Variants in STXBP5 observed in about 807,000 individuals in gnomAD.
STXBP5 encodes the protein syntaxin binding protein 5.
In STXBP5, 50 loss-of-function variants were observed where a neutral mutation model predicts 152.4. That is an observed-to-expected ratio of 0.33 (90% CI 0.26 to 0.42). The LOEUF is 0.42. Ranked by LOEUF, STXBP5 falls within the 10% of genes least tolerant of loss-of-function variation. The pLI is 1.00. For missense variants in STXBP5, 1,167 were observed against 1,388.6 expected, an observed-to-expected ratio of 0.84 and a Z score of 2.54; for synonymous variants, 492 against 494.7, an observed-to-expected ratio of 0.99 and a Z score of 0.07.
chr6:147,213,386 T>G (rs1168530202), intron 2 of STXBP5, among the ~76,000 whole-genome samples: 4 of 150,826 alleles, frequency 2.7e-5, no homozygotes, highest in African/African-American at 9.8e-5. Context: ...GCCAAGTAGT[T>G]GGGACCACAG....
At chr6:147,268,129 C>G (rs1455080353) in intron 7 of STXBP5, among the ~76,000 whole-genome samples, 2 of 152,180 alleles carry the variant, frequency 1.3e-5, no homozygotes, top group Non-Finnish European at 2.9e-5. Flanking sequence ...GTGTGCTCAA[C>G]AACTTAAACA....
At position 147,253,390 on chromosome 6, in the gene STXBP5, C is replaced by T. The variant is rs572803424; in HGVS notation, c.432-7225C>T. 3.7e-4 allele frequency among the ~76,000 whole-genome samples: 57 copies of T among 152,198 alleles called. 1 individual carries two copies. Among genetic ancestry groups the T allele is most frequent in the African/African-American group, 1.1e-3 (44 of 41,528 alleles). On this transcript the variant is annotated intron_variant, in intron 4 of 27. Transcript: ENST00000321680. ...AGCTGGAAGCATTCCCTTTGAAAAC[C>T]GGTACAAGACAAGGATGCCCTCTCT...
At chr6:147,331,826 A>ACAC (rs201528178) in intron 18 of STXBP5, among the ~76,000 whole-genome samples, 1 of 149,464 alleles carries the variant, frequency 6.7e-6, no homozygotes, top group African/African-American at 2.5e-5. Context: ...AAAAAAAAAA[A>ACAC]ACACACAAAA....
chr6:147,287,288 C>T (rs1007000138), intron 8 of STXBP5, among the ~76,000 whole-genome samples: 4 of 144,936 alleles, frequency 2.8e-5, no homozygotes, highest in African/African-American at 2.6e-5. Flanking sequence ...CTGCAAGCTC[C>T]GCCTCCCGGG....
At chr6:147,210,410 G>A (rs995820622) in intron 2 of STXBP5, among the ~76,000 whole-genome samples, 1 of 151,860 alleles carries the variant, frequency 6.6e-6, no homozygotes, top group African/African-American at 2.4e-5. Flanking sequence ...TTTTTGGCTG[G>A]TCCTTGGTGA....
rs1160860099 is a variant in STXBP5 at position 147,327,262 on chromosome 6, G to A, written c.2066G>A (p.Arg689Gln). The A allele has an allele frequency of 3.7e-6, 6 of 1,610,518 alleles. No homozygotes were observed. Among genetic ancestry groups the A allele is most frequent in the East Asian group, 2.2e-5 (1 of 44,840 alleles). ...RREPRSPRKS[R>Q]QPSGAGLCDI... ...GAACCCCGATCTCCTCGTAAATCTCGACAGCCTTCAGGAGGTAAAAAGAAA... is the reference window on the plus strand; with the variant it reads ...GAACCCCGATCTCCTCGTAAATCTCAACAGCCTTCAGGAGGTAAAAAGAAA... Residue 689 changes from arginine to glutamine, a missense_variant, in exon 18 of 28, where the codon CGA (arginine) becomes CAA (glutamine). Coordinates refer to ENST00000321680, the MANE Select transcript of STXBP5 (RefSeq NM_001127715.4).
chr6:147,234,228 T>G (rs1778158563), intron 2 of STXBP5, among the ~76,000 whole-genome samples: 1 of 151,922 alleles, frequency 6.6e-6, no homozygotes, highest in Admixed American at 6.6e-5. Context: ...CTTTTTACTT[T>G]AGGGTAATAG....
chr6:147,288,840 A>G (rs1582895353), intron 8 of STXBP5, among the ~76,000 whole-genome samples: 2 of 152,344 alleles, frequency 1.3e-5, no homozygotes. Flanking sequence ...AAACAAGTGC[A>G]GTGTTTAACT....
At chr6:147,304,650 C>T (rs1449974564) in intron 9 of STXBP5, among the ~76,000 whole-genome samples, 1 of 152,142 alleles carries the variant, frequency 6.6e-6, no homozygotes. Flanking sequence ...AGACACTCAA[C>T]ACCAACCCAT....
chr6:147,257,662 CTGTT>C (rs1456616028), intron 4 of STXBP5, among the ~76,000 whole-genome samples: 1 of 152,166 alleles, frequency 6.6e-6, no homozygotes, highest in Non-Finnish European at 1.5e-5. Context: ...GAAACATACA[CTGTT>C]TGCATTCCTG....
At chr6:147,367,345 G>A (rs1370001135) in intron 25 of STXBP5, among the ~76,000 whole-genome samples, 1 of 152,072 alleles carries the variant, frequency 6.6e-6, no homozygotes, top group Non-Finnish European at 1.5e-5. Context: ...TCACTTTAAA[G>A]AACTGAGAAA....
intron 4 of STXBP5, among the ~76,000 whole-genome samples, chr6:147,243,562 A>C (rs1778653051): frequency 6.6e-6 from 1 of 152,172 alleles, no homozygotes; most frequent in Non-Finnish European, 1.5e-5. Context: ...TTTGTAGAGC[A>C]GATATTTCCT....
chr6:147,276,372 G>C (rs1197563934), intron 7 of STXBP5, among the ~76,000 whole-genome samples: 1 of 152,044 alleles, frequency 6.6e-6, no homozygotes, highest in Non-Finnish European at 1.5e-5. Flanking sequence ...TGAACCACTG[G>C]TTCCAGTAAT....
At chr6:147,298,914 A>G (rs1271035048) in intron 9 of STXBP5, among the ~76,000 whole-genome samples, 1 of 152,034 alleles carries the variant, frequency 6.6e-6, no homozygotes, top group African/African-American at 2.4e-5. Flanking sequence ...ATTGCACCTC[A>G]AGGAACTAGA....
At position 147,248,733 on chromosome 6, in the gene STXBP5, C is replaced by A. The variant is rs571091702; in HGVS notation, c.431+9463C>A. ...CCCTTTGATGTACACATAGCTATTT[C>A]TTGTTAATTAATCAAACACTTAGCT... is the stretch of plus-strand genomic sequence containing the variant. On this transcript the variant is annotated intron_variant, in intron 4 of 27. Coordinates refer to ENST00000321680, the MANE Select transcript of STXBP5 (RefSeq NM_001127715.4). 3.9e-5 allele frequency among the ~76,000 whole-genome samples: 6 copies of A among 152,276 alleles called. 1 individual carries two copies. In the South Asian group the frequency reaches 1.0e-3, roughly 26 times the overall value.
chr6:147,331,350 G>A (rs1783558860), intron 18 of STXBP5, among the ~76,000 whole-genome samples: 1 of 152,114 alleles, frequency 6.6e-6, no homozygotes, highest in African/African-American at 2.4e-5. Flanking sequence ...CCTGAGTTTA[G>A]GTTATAAAGA....
intron 4 of STXBP5, among the ~76,000 whole-genome samples, chr6:147,241,592 A>G (rs1007971699): frequency 3.3e-5 from 5 of 152,150 alleles, no homozygotes; most frequent in African/African-American, 1.2e-4. Flanking sequence ...ATTATAATGG[A>G]GCTGAAATAC....
intron 25 of STXBP5, among the ~76,000 whole-genome samples, chr6:147,372,296 C>T (rs1785576966): frequency 6.6e-6 from 1 of 151,698 alleles, no homozygotes. Flanking sequence ...CTTCTTAGCC[C>T]AGCCCCAAGG....
At chr6:147,250,333 C>G (rs1006674003) in intron 4 of STXBP5, among the ~76,000 whole-genome samples, 1 of 152,134 alleles carries the variant, frequency 6.6e-6, no homozygotes, top group African/African-American at 2.4e-5. Context: ...AATTTCTATA[C>G]AGTCAGCCTT....
Sources: gnomAD v4.1 joint callset for allele counts (sites outside exome capture counted in the v4.1 genomes callset) on GRCh38, gnomAD v4.1.1 for gene constraint, MANE v1.5 for transcripts, NCBI Gene and HGNC (gene_info 2026-07-23, HGNC 2026-07-21) for gene names.